The following SYNE1 variants were observed in gnomAD, a reference collection of about 807,000 sequenced individuals.
SYNE1 encodes spectrin repeat containing nuclear envelope protein 1.
Under a neutral mutation model 1,111.0 loss-of-function variants are expected in SYNE1, and 616 were observed. The observed-to-expected ratio is 0.55, with a 90% CI of 0.52 to 0.59. The LOEUF (loss-of-function observed/expected upper bound fraction) is 0.59. Among genes scored for constraint, SYNE1 ranks in the 20% least tolerant of loss-of-function variants. The pLI is 0.00. For missense variants in SYNE1, 10,006 were observed against 10,417.0 expected (o/e 0.96, Z 1.72); for synonymous variants, 3,855 against 3,825.8 (o/e 1.01, Z -0.28).
intron 121 of SYNE1, among the ~76,000 whole-genome samples, chr6:152,217,221 C>T (rs1443833006): frequency 1.3e-5 from 2 of 149,592 alleles, no homozygotes; most frequent in African/African-American, 2.5e-5. Context: ...GATGAAACCC[C>T]GTCTCTACTA....
intron 70 of SYNE1, among the ~76,000 whole-genome samples, chr6:152,351,265 T>C (rs191673090): frequency 2.0e-5 from 3 of 152,308 alleles, no homozygotes; most frequent in Admixed American, 1.3e-4. Flanking sequence ...GATTCTTATA[T>C]GGCCTCTTCA....
chr6:152,516,177 A>G (rs2623968), intron 6 of SYNE1, among the ~76,000 whole-genome samples: 91,131 of 152,006 alleles, frequency 0.6, 28,124 homozygotes, highest in East Asian at 0.76. Context: ...TTGTGAGGCC[A>G]TAGGATACAG....
intron 127 of SYNE1, among the ~76,000 whole-genome samples, chr6:152,193,180 C>T (rs1587441903): frequency 2.0e-5 from 3 of 152,200 alleles, no homozygotes; most frequent in Non-Finnish European, 2.9e-5. Context: ...AAGGTGATTT[C>T]ACTGTTGGTA....
intron 15 of SYNE1, chr6:152,472,061 A>T (rs2098808809): frequency 3.4e-6 from 2 of 596,994 alleles, no homozygotes; most frequent in Non-Finnish European, 5.9e-6. Context: ...ACAAAAATAC[A>T]GCCTCTGAAG....
At position 152,376,219 on chromosome 6, in the gene SYNE1, A is replaced by G. The variant is rs1256649060; in HGVS notation, c.9324+162T>C. 4 of 670,922 alleles carry G rather than the reference A, an allele frequency of 6.0e-6. No individual in the cohort carries two copies. In the African/African-American group the frequency reaches 7.2e-5, roughly 12 times the overall value. 41.6% of individuals were successfully genotyped at this position (670,922 alleles called of 1,614,324 possible). A position where few individuals can be genotyped will look rare whatever the true frequency, so the allele number is the denominator to read the frequency against. ...TGACAGGAGGTGGAGCTCAGGCAGT[A>G]ACGCTCATTGGCCTGCTGCTCACCT... On this transcript the variant is annotated intron_variant, in intron 58 of 145. Transcript: ENST00000367255.
intron 22 of SYNE1, chr6:152,456,859 A>G: frequency 3.1e-6 from 1 of 323,514 alleles, no homozygotes; most frequent in Non-Finnish European, 6.3e-6. Context: ...GGATATCCAG[A>G]TGCAAATATC....
intron 128 of SYNE1, among the ~76,000 whole-genome samples, chr6:152,181,317 C>T (rs2068023341): frequency 6.6e-6 from 1 of 152,134 alleles, no homozygotes; most frequent in Non-Finnish European, 1.5e-5. Context: ...GAAGTTGAGG[C>T]AGGAGAGTCG....
intron 115 of SYNE1, among the ~76,000 whole-genome samples, chr6:152,230,225 A>G (rs899014865): frequency 6.6e-6 from 1 of 152,084 alleles, no homozygotes; most frequent in Non-Finnish European, 1.5e-5. Flanking sequence ...TTGTAGAGAG[A>G]GGGTTTCACC....
Position 152,323,696 on chromosome 6 carries a change from C to T in SYNE1, c.15699G>A (p.Lys5233=). 1 of 1,614,220 alleles carries T rather than the reference C, an allele frequency of 6.2e-7. No individual in the cohort carries two copies. Among genetic ancestry groups the T allele is most frequent in the Non-Finnish European group, 8.5e-7 (1 of 1,180,036 alleles). The change falls in exon 82 of 146, where the codon AAG becomes AAA. Residue 5233 remains lysine, a synonymous_variant. Transcript: ENST00000367255. ...CTTTCTCTGCTGAACTTCCAGGTAA[C>T]TTATCTTGCAGCTGATCAATCATTT... ...ATEMIDQLQD[K]LPGSSAEKAS... is the part of the protein sequence containing the mutation.
chr6:152,628,767 T>C (rs1338199875), intron 2 of SYNE1, among the ~76,000 whole-genome samples: 1 of 151,432 alleles, frequency 6.6e-6, no homozygotes, highest in African/African-American at 2.4e-5. Context: ...ATGAGACATA[T>C]AAAATAAAAT....
In SYNE1 at chr6:152,354,767, C is replaced by T. The variant is rs752187409; in HGVS notation, c.10818G>A (p.Lys3606=). The change falls in exon 67 of 146, where the codon AAG becomes AAA. Residue 3606 remains lysine (K), a synonymous_variant. Coordinates refer to ENST00000367255, the MANE Select transcript of SYNE1 (RefSeq NM_182961.4). ...TGAGCCATTCATCTACTTGCTGAAA[C>T]TTTTGCTCCATTAGCCTCAATTTGT... ...VVNKLRLMEQ[K]FQQVDEWLKT... is the part of the protein sequence containing the mutation. 4 of 1,614,070 alleles carry T rather than the reference C, an allele frequency of 2.5e-6. No homozygotes were observed. In the African/African-American group the frequency reaches 4.0e-5, roughly 16 times the overall value.
At chr6:152,328,190 G>T (rs2096133329) in intron 78 of SYNE1, among the ~76,000 whole-genome samples, 1 of 151,998 alleles carries the variant, frequency 6.6e-6, no homozygotes, top group African/African-American at 2.4e-5. Context: ...TCAAATAGCT[G>T]CCATTAAAAC....
intron 34 of SYNE1, among the ~76,000 whole-genome samples, chr6:152,431,916 T>C (rs1350581809): frequency 2.0e-5 from 3 of 152,162 alleles, no homozygotes; most frequent in African/African-American, 7.2e-5. Context: ...GAAAAATTAA[T>C]CATAAATTCA....
At chr6:152,629,201 T>A in intron 2 of SYNE1, among the ~76,000 whole-genome samples, 1 of 151,774 alleles carries the variant, frequency 6.6e-6, no homozygotes, top group Non-Finnish European at 1.5e-5. Flanking sequence ...ATTCTCTGCA[T>A]TGGTTAAGTT....
chr6:152,466,096 G>A lies in SYNE1; in HGVS notation c.1633-18C>T, dbSNP rs755158102. On this transcript the variant is annotated intron_variant, in intron 16 of 145. Coordinates refer to ENST00000367255, the MANE Select transcript of SYNE1 (RefSeq NM_182961.4). ...ATAAAAGACTAGAAAAGGAGGAATG[G>A]TTAGAAGATAGCAAACATTAGGCTC... The A allele has an allele frequency of 1.7e-5, 26 of 1,490,880 alleles. No homozygotes were observed. In the South Asian group the frequency reaches 2.7e-4, roughly 16 times the overall value. The allele number at this position is 1,490,880 out of a possible 1,614,324, so 92.4% of individuals were successfully genotyped here.
intron 91 of SYNE1, among the ~76,000 whole-genome samples, chr6:152,307,404 T>C (rs1427184013): frequency 2.0e-5 from 3 of 152,208 alleles, no homozygotes; most frequent in Admixed American, 6.5e-5. Context: ...AATTGTTCAT[T>C]TTTCTCATGA....
chr6:152,369,489 C>T lies in SYNE1; in HGVS notation c.9633G>A (p.Arg3211=). 4 of 1,614,082 alleles carry T rather than the reference C, an allele frequency of 2.5e-6. No individual in the cohort carries two copies. The highest frequency in any genetic ancestry group is 2.2e-5 in the East Asian group (1 of 44,850). The part of the protein sequence containing the change: ...NRLYDLPAKR[R]EQQKLQSVLE... ...TCATCACCTGGAGCTTCTGCTGCTC[C>T]CTCCTCTTTGCTGGCAGATCATAGA... Residue 3211 remains arginine (R), a synonymous_variant, in exon 60 of 146, where the codon AGG becomes AGA. Transcript: ENST00000367255.
chr6:152,358,279 G>A, intron 66 of SYNE1, 94 bp downstream of exon 66: 12 of 1,546,494 alleles, frequency 7.8e-6, no homozygotes, highest in Non-Finnish European at 1.1e-5. Flanking sequence ...ACTAGCCACT[G>A]GACTCAAGGT....
Position 152,135,150 on chromosome 6 carries a change from G to T in SYNE1, c.25742C>A (p.Ser8581Tyr). Residue 8581 changes from serine (S) to tyrosine (Y), a missense_variant, in exon 142 of 146, where the codon TCT (serine) becomes TAT (tyrosine). Transcript: ENST00000367255. Reference sequence around the variant, plus strand: ...CTGAAGTATCTCTGCATCAAGGTTAGAATCAATAGGGACAATTTCATTTTT... The same window carrying T: ...CTGAAGTATCTCTGCATCAAGGTTATAATCAATAGGGACAATTTCATTTTT... ...RRKNEIVPID[S>Y]NLDAEILQDH... The T allele has an allele frequency of 6.2e-7, 1 of 1,614,144 alleles. No individual in the cohort carries two copies. Among genetic ancestry groups the T allele is most frequent in the Non-Finnish European group, 8.5e-7 (1 of 1,180,010 alleles).
Sources: allele counts gnomAD v4.1 joint callset (sites outside exome capture counted in the v4.1 genomes callset), GRCh38; gene constraint gnomAD v4.1.1; transcripts MANE v1.5; gene names NCBI Gene and HGNC (gene_info 2026-07-23, HGNC 2026-07-21).